The following TMEM45B variants were observed in gnomAD, a reference collection of about 807,000 sequenced individuals.
TMEM45B encodes transmembrane protein 45B.
TMEM45B carries 29 observed loss-of-function variants against 27.3 expected under a neutral mutation model. The observed-to-expected ratio is 1.06, with a 90% confidence interval of 0.79 to 1.45. TMEM45B has a LOEUF of 1.45. TMEM45B is among the 40% of genes most tolerant of loss of function. TMEM45B has a pLI of 0.00. For missense variants in TMEM45B, 348 were observed against 343.9 expected (o/e 1.01, Z -0.09); for synonymous variants, 143 against 134.7 (o/e 1.06, Z -0.43).
chr11:129,852,943 GAT>G (rs998571903), intron 2 of TMEM45B: 4 of 288,824 alleles, frequency 1.4e-5, no homozygotes, highest in African/African-American at 8.7e-5. Flanking sequence ...GTATGAAAAA[GAT>G]ATGACACAAA....
intron 1 of TMEM45B, chr11:129,850,528 T>C (rs574719839): frequency 6.6e-6 from 1 of 152,276 alleles, no homozygotes; most frequent in South Asian, 2.1e-4. Context: ...TTGCTTTCTA[T>C]CTCTTCTGCC....
At position 129,855,591 on chromosome 11, in the gene TMEM45B, T is replaced by C; in HGVS notation, c.386-117T>C. On this transcript the variant is annotated intron_variant, in intron 3 of 5. Coordinates refer to ENST00000281441, the MANE Select transcript of TMEM45B (RefSeq NM_138788.5). ...ACTCGCATCTGTTTGCTGCCTGTAA[T>C]GTTATGTACTAACTGCCTAAATGCT... 3.2e-6 allele frequency: 3 copies of C among 929,286 alleles called. 1 individual carries two copies. The highest frequency in any genetic ancestry group is 3.1e-5 in the South Asian group (2 of 65,256). 57.6% of individuals were successfully genotyped at this position (929,286 alleles called of 1,614,324 possible). A position where few individuals can be genotyped will look rare whatever the true frequency, so the allele number is the denominator to read the frequency against.
intron 1 of TMEM45B, among the ~76,000 whole-genome samples, chr11:129,838,270 T>C (rs567008): frequency 0.35 from 53,049 of 151,816 alleles, 9,829 homozygotes; most frequent in East Asian, 0.47. Context: ...GAGGCTTGGT[T>C]GTGGGGCCAT....
chr11:129,845,948 A>G (rs1947755209), intron 1 of TMEM45B, among the ~76,000 whole-genome samples: 1 of 152,260 alleles, frequency 6.6e-6, no homozygotes, highest in South Asian at 2.1e-4. Flanking sequence ...AAGATGGTGC[A>G]GAATGCCCCA....
intron 1 of TMEM45B, among the ~76,000 whole-genome samples, chr11:129,834,765 C>A (rs1420892398): frequency 7.3e-5 from 11 of 149,690 alleles, no homozygotes; most frequent in Admixed American, 7.3e-4. Flanking sequence ...GAGCCAAGAT[C>A]ATGCCACTGC....
intron 1 of TMEM45B, among the ~76,000 whole-genome samples, chr11:129,846,677 T>G (rs1193747857): frequency 6.6e-6 from 1 of 152,062 alleles, no homozygotes; most frequent in African/African-American, 2.4e-5. Flanking sequence ...AAAAAATCAG[T>G]CTGCAATATC....
chr11:129,832,552 G>A (rs1355656885), intron 1 of TMEM45B, among the ~76,000 whole-genome samples: 1 of 151,858 alleles, frequency 6.6e-6, no homozygotes, highest in East Asian at 1.9e-4. Flanking sequence ...GGGGCTGGCG[G>A]GAAACGGGAA....
chr11:129,823,598 G>T (rs1947446747), intron 1 of TMEM45B, among the ~76,000 whole-genome samples: 1 of 152,066 alleles, frequency 6.6e-6, no homozygotes, highest in East Asian at 1.9e-4. Flanking sequence ...CTGTCCCCTT[G>T]CTATTTCCTC....
intron 1 of TMEM45B, among the ~76,000 whole-genome samples, chr11:129,842,682 T>C (rs868701311): frequency 6.6e-6 from 1 of 152,140 alleles, no homozygotes; most frequent in Non-Finnish European, 1.5e-5. Flanking sequence ...AGACCTAAAA[T>C]GGTAAAACTC....
At chr11:129,837,787 T>G in intron 1 of TMEM45B, among the ~76,000 whole-genome samples, 1 of 140,222 alleles carries the variant, frequency 7.1e-6, no homozygotes, top group East Asian at 2.1e-4. Context: ...CTTTTTTTTT[T>G]TTTTTTTTTT....
intron 2 of TMEM45B, among the ~76,000 whole-genome samples, chr11:129,853,854 G>A (rs1379388639): frequency 6.6e-6 from 1 of 152,202 alleles, no homozygotes; most frequent in Non-Finnish European, 1.5e-5. Flanking sequence ...CATCATGGAG[G>A]ATTTCTTCTA....
At position 129,857,354 on chromosome 11, in the gene TMEM45B, GGACCAGAAGGAT is replaced by G. The variant is rs1313448208; in HGVS notation, c.615_626del (p.Gln206_Asp209del). 1.9e-6 allele frequency: 3 copies of G among 1,614,022 alleles called. No homozygotes were observed. The highest frequency in any genetic ancestry group is 2.5e-6 in the Non-Finnish European group (3 of 1,180,030). On this transcript the variant is annotated inframe_deletion, in exon 5 of 6. Transcript: ENST00000281441. ...TCCCACCTTTTGGAACACCCGAATGGGACCAGAAGGATGATGCCAACCTCATGTTCATCACCA... is the reference window on the plus strand; with the variant it reads ...TCCCACCTTTTGGAACACCCGAATGGGATGCCAACCTCATGTTCATCACCA...
At chr11:129,847,965 C>T (rs1565371004) in intron 1 of TMEM45B, among the ~76,000 whole-genome samples, 3 of 152,058 alleles carry the variant, frequency 2.0e-5, no homozygotes, top group South Asian at 4.1e-4. Context: ...TAGGGGCGGC[C>T]GGGCAGAGAC....
intron 1 of TMEM45B, among the ~76,000 whole-genome samples, chr11:129,816,300 G>A (rs11221861): frequency 0.25 from 38,671 of 152,062 alleles, 5,906 homozygotes; most frequent in South Asian, 0.35. Context: ...CGGTGAGTCC[G>A]GGGACGCGCG....
At chr11:129,826,567 A>AAAAAAAATAAAAAT (rs1199881268) in intron 1 of TMEM45B, among the ~76,000 whole-genome samples, 1 of 96,126 alleles carries the variant, frequency 1.0e-5, no homozygotes, top group Non-Finnish European at 2.0e-5. Flanking sequence ...AAAAAAAAAA[A>AAAAAAAATAAAAAT]AGGACCCTGA....
At chr11:129,840,685 T>C (rs555989105) in intron 1 of TMEM45B, among the ~76,000 whole-genome samples, 42 of 151,958 alleles carry the variant, frequency 2.8e-4, no homozygotes, top group Middle Eastern at 3.4e-3. Context: ...GAGTTCTATA[T>C]CAGCCTGACC....
chr11:129,832,149 T>A (rs1346102769), intron 1 of TMEM45B, among the ~76,000 whole-genome samples: 2 of 147,710 alleles, frequency 1.4e-5, no homozygotes, highest in Admixed American at 6.8e-5. Flanking sequence ...GGCAGGTGGA[T>A]CATGAGGTCA....
rs1380297410 is a variant in TMEM45B, at chr11:129,857,387, C to G, written c.645C>G (p.Ile215Met). ...DQKDDANLMFITMCFCWHYLA... is the reference protein window; with the variant it reads ...DQKDDANLMFMTMCFCWHYLA... ...AGGATGATGCCAACCTCATGTTCAT[C>G]ACCATGTGCTTCTGCTGGCACTACC... The change falls in exon 5 of 6, where the codon ATC becomes ATG. Residue 215 changes from isoleucine (I) to methionine (M), a missense_variant. Physicochemically the swap from Ile to Met is conservative, Grantham distance 10. Coordinates refer to ENST00000281441, the MANE Select transcript of TMEM45B (RefSeq NM_138788.5). 6.2e-7 allele frequency: 1 copy of G among 1,614,196 alleles called. No individual in the cohort carries two copies.
intron 2 of TMEM45B, 86 bp downstream of exon 2, chr11:129,852,746 G>C (rs1470240910): frequency 7.0e-7 from 1 of 1,424,690 alleles, no homozygotes; most frequent in Non-Finnish European, 9.5e-7. Flanking sequence ...TGAAATAGAT[G>C]TTCCCACTGG....
Sources: allele counts gnomAD v4.1 joint callset (sites outside exome capture counted in the v4.1 genomes callset), GRCh38; gene constraint gnomAD v4.1.1; transcripts MANE v1.5; gene names NCBI Gene and HGNC (gene_info 2026-07-23, HGNC 2026-07-21).